Variants in C9orf153 observed in about 807,000 individuals in gnomAD.
The protein encoded by C9orf153 is uncharacterized protein C9orf153.
In C9orf153, 10 loss-of-function variants were observed where a neutral mutation model predicts 9.0. That is an observed-to-expected ratio of 1.11 (90% CI 0.69 to 1.89). C9orf153 has a LOEUF of 1.89. Ranked by LOEUF, C9orf153 falls within the 40% of genes most tolerant of loss-of-function variation. The pLI is 0.00. For missense variants in C9orf153, 108 were observed against 111.0 expected, an observed-to-expected ratio of 0.97 and a Z score of 0.12; for synonymous variants, 35 against 37.3, an observed-to-expected ratio of 0.94 and a Z score of 0.23.
chr9:86,245,498 A>C (rs995315933), intron 1 of C9orf153, among the ~76,000 whole-genome samples: 1 of 152,136 alleles, frequency 6.6e-6, no homozygotes, highest in African/African-American at 2.4e-5. Flanking sequence ...TAGTGAAATC[A>C]TACAATATTG....
intron 1 of C9orf153, among the ~76,000 whole-genome samples, chr9:86,249,236 G>C (rs190099670): frequency 6.6e-6 from 1 of 152,174 alleles, no homozygotes; most frequent in South Asian, 2.1e-4. Context: ...ACCAAGAAAG[G>C]CCTCCCTGGG....
chr9:86,233,538 T>A (rs1183823983), intron 1 of C9orf153, among the ~76,000 whole-genome samples: 1 of 152,076 alleles, frequency 6.6e-6, no homozygotes, highest in African/African-American at 2.4e-5. Flanking sequence ...TGCCTCACCC[T>A]CCTGAGTAGC....
chr9:86,227,412 A>C, intron 3 of C9orf153: 1 of 1,478,472 alleles, frequency 6.8e-7, no homozygotes, highest in Non-Finnish European at 9.0e-7. Flanking sequence ...TAAAGCAAAC[A>C]TATTAATAGC....
chr9:86,251,328 C>T (rs1442808044), intron 1 of C9orf153, among the ~76,000 whole-genome samples: 1 of 152,074 alleles, frequency 6.6e-6, no homozygotes, highest in Non-Finnish European at 1.5e-5. Context: ...CACTGAAAAA[C>T]TTTCGTTAGA....
At position 86,229,604 on chromosome 9, in the gene C9orf153, C is replaced by T. The variant is rs758319960; in HGVS notation, c.-1G>A. The T allele has an allele frequency of 1.2e-5, 20 of 1,609,098 alleles. No homozygotes were observed. Among genetic ancestry groups the T allele is most frequent in the Admixed American group, 5.0e-5 (3 of 59,598 alleles). On this transcript the variant is annotated 5_prime_UTR_variant, in exon 2 of 4. Transcript: ENST00000339137. The stretch of plus-strand genomic sequence containing the variant: ...GACTGGTGTCTCCAGTGAGGAACAT[C>T]GTGCTGGGATTTTATTCTCTAATTC...
At chr9:86,232,120 T>C (rs777603106) in intron 1 of C9orf153, among the ~76,000 whole-genome samples, 1 of 152,158 alleles carries the variant, frequency 6.6e-6, no homozygotes, top group Non-Finnish European at 1.5e-5. Context: ...GTCAAAGCAA[T>C]AGCTAAGAAA....
intron 2 of C9orf153, chr9:86,228,796 A>C (rs1824397504): frequency 6.3e-6 from 1 of 158,778 alleles, no homozygotes; most frequent in Non-Finnish European, 1.4e-5. Flanking sequence ...TTTTATTGCA[A>C]GGGCAACAAA....
At chr9:86,224,412 T>C (rs1487955973) in intron 3 of C9orf153, among the ~76,000 whole-genome samples, 1 of 151,658 alleles carries the variant, frequency 6.6e-6, no homozygotes, top group Non-Finnish European at 1.5e-5. Flanking sequence ...AAATAAATAA[T>C]TGAGAACAAA....
chr9:86,249,901 A>T (rs1181062632), intron 1 of C9orf153, among the ~76,000 whole-genome samples: 2 of 152,188 alleles, frequency 1.3e-5, no homozygotes, highest in East Asian at 3.9e-4. Context: ...CAAAAGGCAG[A>T]TCGATAGGAG....
chr9:86,234,230 A>G (rs1200416276), intron 1 of C9orf153, among the ~76,000 whole-genome samples: 3 of 152,178 alleles, frequency 2.0e-5, no homozygotes, highest in Non-Finnish European at 4.4e-5. Context: ...GCTCACTCTG[A>G]TTTCCCATTT....
At chr9:86,224,771 C>CAA (rs35435424) in intron 3 of C9orf153, among the ~76,000 whole-genome samples, 3,862 of 113,352 alleles carry the variant, frequency 0.034, 170 homozygotes, top group African/African-American at 0.099. Flanking sequence ...ACTAAAAATA[C>CAA]AAAAAAAAAA....
chr9:86,240,627 C>T (rs555179820), intron 1 of C9orf153, among the ~76,000 whole-genome samples: 227 of 151,866 alleles, frequency 1.5e-3, no homozygotes, highest in Non-Finnish European at 2.0e-3. Context: ...ATCCACTTGC[C>T]TCAGCCTCCC....
At chr9:86,239,500 T>C (rs1203171920) in intron 1 of C9orf153, among the ~76,000 whole-genome samples, 1 of 152,212 alleles carries the variant, frequency 6.6e-6, no homozygotes, top group Non-Finnish European at 1.5e-5. Flanking sequence ...TTGCTTATAA[T>C]GTTTCACTGA....
At chr9:86,227,450 G>T in intron 3 of C9orf153, 1 of 1,438,722 alleles carries the variant, frequency 7.0e-7, no homozygotes, top group South Asian at 1.8e-5. Flanking sequence ...CTACAAAATT[G>T]CTGTAGGTCA....
chr9:86,257,025 C>T (rs574206113), intron 1 of C9orf153, among the ~76,000 whole-genome samples: 7 of 152,170 alleles, frequency 4.6e-5, no homozygotes, highest in African/African-American at 7.2e-5. Flanking sequence ...AAGAAGCTTA[C>T]GGTATTTTAA....
At chr9:86,255,503 T>G (rs572459748) in intron 1 of C9orf153, among the ~76,000 whole-genome samples, 3 of 152,302 alleles carry the variant, frequency 2.0e-5, no homozygotes, top group Admixed American at 2.0e-4. Context: ...ATTTACCATG[T>G]ATTCTTTCTG....
intron 1 of C9orf153, among the ~76,000 whole-genome samples, chr9:86,249,940 TA>T (rs1564003823): frequency 2.6e-5 from 4 of 152,038 alleles, no homozygotes; most frequent in East Asian, 1.9e-4. Flanking sequence ...CTAGAGTACA[TA>T]GGGGGAAAAC....
At position 86,229,696 on chromosome 9, in the gene C9orf153, A is replaced by T. The variant is rs907380257; in HGVS notation, c.-26-67T>A. The T allele has an allele frequency of 1.8e-5, 16 of 872,758 alleles. No individual in the cohort carries two copies. In the South Asian group the frequency reaches 2.3e-4, roughly 12 times the overall value. 54.1% of individuals were successfully genotyped at this position (872,758 alleles called of 1,614,324 possible). On this transcript the variant is annotated intron_variant, in intron 1 of 3. Coordinates refer to ENST00000339137, the MANE Select transcript of C9orf153 (RefSeq NM_001276366.4). ...AAAATCAGATAGAATACAAAGGGGG[A>T]GGTGAGACTTCTTAAATCTTAATAA...
chr9:86,230,983 TA>T (rs1824457374), intron 1 of C9orf153, among the ~76,000 whole-genome samples: 1 of 152,144 alleles, frequency 6.6e-6, no homozygotes, highest in Admixed American at 6.5e-5. Context: ...ACCCAGACCT[TA>T]AGAGGCTTTG....
Sources: gnomAD v4.1 joint callset for allele counts (sites outside exome capture counted in the v4.1 genomes callset) on GRCh38, gnomAD v4.1.1 for gene constraint, MANE v1.5 for transcripts, NCBI Gene and HGNC (gene_info 2026-07-23, HGNC 2026-07-21) for gene names.